The following KLRG1 variants were observed in gnomAD, a reference collection of about 807,000 sequenced individuals.
KLRG1 encodes the protein killer cell lectin-like receptor subfamily G member 1.
A neutral mutation model predicts 21.8 loss-of-function variants in KLRG1; 16 were observed. The ratio of observed to expected loss-of-function variants is 0.73; its 90% CI spans 0.50 to 1.11. The LOEUF (loss-of-function observed/expected upper bound fraction) is 1.11, where lower values mean the gene tolerates loss of function less well. Among genes scored for constraint, KLRG1 ranks in the 50% most tolerant of loss-of-function variants. KLRG1 has a pLI of 0.00. For synonymous variants in KLRG1, 69 were observed against 75.9 expected, an observed-to-expected ratio of 0.91 and a Z score of 0.47; for missense variants, 173 against 218.3, an observed-to-expected ratio of 0.79 and a Z score of 1.31.
At chr12:9,140,272 G>C in the KLRG1 span, among the ~76,000 whole-genome samples, 1 of 152,178 alleles carries the variant, frequency 6.6e-6, no homozygotes. Flanking sequence ...GTAGGGGGGG[G>C]CCCAGGAATG....
In KLRG1 at chr12:8,982,811, A is replaced by AT. The variant is rs1359281816; in HGVS notation, c.-155-9389dup. ...CAGGCACCTGCCACCACGCCTGGCT[A>AT]TTTTTTGTATTTTTAGTAGAGATAG... On this transcript the variant is annotated intron_variant, in intron 1 of 4. Transcript: ENST00000539240. Among the ~76,000 whole-genome samples, 8 of 152,028 alleles carry AT rather than the reference A, an allele frequency of 5.3e-5. 1 individual carries two copies. In the East Asian group the frequency reaches 1.4e-3, roughly 26 times the overall value.
chr12:9,202,875 A>G, the KLRG1 span, among the ~76,000 whole-genome samples: 1 of 152,194 alleles, frequency 6.6e-6, no homozygotes, highest in East Asian at 1.9e-4. Flanking sequence ...GTGGCCATCA[A>G]TAGAACCCAG....
the KLRG1 span, among the ~76,000 whole-genome samples, chr12:9,035,503 C>T: frequency 6.6e-6 from 1 of 150,838 alleles, no homozygotes; most frequent in Non-Finnish European, 1.5e-5. Flanking sequence ...ATGCAGGTGA[C>T]GGGTTGATGG....
At chr12:9,046,903 G>A in the KLRG1 span, among the ~76,000 whole-genome samples, 2 of 152,070 alleles carry the variant, frequency 1.3e-5, no homozygotes, top group African/African-American at 4.8e-5. Flanking sequence ...CACCCAGGTT[G>A]GAGTGCAGTG....
At chr12:9,098,739 G>A in the KLRG1 span, 1 of 1,612,952 alleles carries the variant, frequency 6.2e-7, no homozygotes, top group South Asian at 1.1e-5. Context: ...TTTGTGATGG[G>A]CTGAAGCTCA....
chr12:8,951,938 C>G (rs149184069), intron 1 of KLRG1, among the ~76,000 whole-genome samples: 110 of 152,238 alleles, frequency 7.2e-4, no homozygotes, highest in Non-Finnish European at 9.7e-4. Context: ...CCTTTCCGAC[C>G]AGAGGCAAAC....
At chr12:9,116,436 A>C in the KLRG1 span, among the ~76,000 whole-genome samples, 1 of 152,224 alleles carries the variant, frequency 6.6e-6, no homozygotes, top group African/African-American at 2.4e-5. Flanking sequence ...ACTGGGTTGC[A>C]GATGAAGAGC....
At chr12:9,050,763 G>C in the KLRG1 span, among the ~76,000 whole-genome samples, 49,187 of 152,016 alleles carry the variant, frequency 0.32, 8,375 homozygotes, top group Admixed American at 0.37. Flanking sequence ...TTTCAAGTTG[G>C]CGAGGTGGGA....
chr12:9,095,588 T>C, the KLRG1 span: 1 of 1,612,402 alleles, frequency 6.2e-7, no homozygotes, highest in Non-Finnish European at 8.5e-7. Flanking sequence ...TACTGGAGTA[T>C]ATGTGATTCC....
upstream of KLRG1, among the ~76,000 whole-genome samples, chr12:8,984,986 T>C (rs909021660): frequency 1.3e-5 from 2 of 152,226 alleles, no homozygotes; most frequent in Middle Eastern, 3.2e-3. Context: ...TTTCCCCTAA[T>C]GTTAGCATCT....
At chr12:9,114,908 T>C in the KLRG1 span, among the ~76,000 whole-genome samples, 1 of 152,192 alleles carries the variant, frequency 6.6e-6, no homozygotes, top group Non-Finnish European at 1.5e-5. Context: ...GATTCATACA[T>C]ATTAGATATA....
chr12:9,123,351 C>A, the KLRG1 span, among the ~76,000 whole-genome samples: 1 of 152,012 alleles, frequency 6.6e-6, no homozygotes, highest in South Asian at 2.1e-4. Context: ...ACAATTATAA[C>A]AATATGCCAA....
chr12:9,094,295 G>C, the KLRG1 span, among the ~76,000 whole-genome samples: 12 of 146,480 alleles, frequency 8.2e-5, no homozygotes, highest in South Asian at 2.6e-3. Context: ...TTAAGGGTGT[G>C]CTGGTCAATA....
chr12:9,084,333 C>A, the KLRG1 span, among the ~76,000 whole-genome samples: 2 of 152,090 alleles, frequency 1.3e-5, no homozygotes, highest in East Asian at 3.9e-4. Flanking sequence ...AATTTTATCT[C>A]TAGTACAAGG....
the KLRG1 span, chr12:9,158,593 T>C: frequency 8.1e-6 from 13 of 1,613,398 alleles, no homozygotes; most frequent in Non-Finnish European, 1.1e-5. Context: ...GGAGGAAAAA[T>C]GCAGTGCTGA....
At chr12:9,106,177 C>T in the KLRG1 span, 1 of 993,498 alleles carries the variant, frequency 1.0e-6, no homozygotes, top group Non-Finnish European at 1.6e-6. Flanking sequence ...CAAACCATAA[C>T]TATTGTGCTA....
intron 1 of KLRG1, among the ~76,000 whole-genome samples, chr12:8,958,533 T>G (rs1193257322): frequency 6.6e-6 from 1 of 152,202 alleles, no homozygotes; most frequent in Non-Finnish European, 1.5e-5. Flanking sequence ...CCATATACAC[T>G]TTAAAAGCAA....
At chr12:8,987,390 C>G (rs776954971), upstream of KLRG1, 1 of 152,312 alleles carries the variant, frequency 6.6e-6, no homozygotes, top group East Asian at 1.9e-4. Context: ...TGAGGAAAAG[C>G]CACTTGAGGA....
At chr12:9,163,603 G>A in the KLRG1 span, 4 of 1,548,596 alleles carry the variant, frequency 2.6e-6, no homozygotes, top group Non-Finnish European at 3.5e-6. Context: ...GTTCTTTGTT[G>A]TCTCAAGAGT....
Sources: allele counts gnomAD v4.1 joint callset (sites outside exome capture counted in the v4.1 genomes callset), GRCh38; gene constraint gnomAD v4.1.1; transcripts MANE v1.5; gene names NCBI Gene and HGNC (gene_info 2026-07-23, HGNC 2026-07-21).